ZNF385D: variants seen among roughly 807,000 people sequenced by gnomAD.
ZNF385D encodes zinc finger protein 385D.
Under a neutral mutation model 35.8 loss-of-function variants are expected in ZNF385D, and 15 were observed. The ratio of observed to expected loss-of-function variants is 0.42; its 90% CI spans 0.28 to 0.64. The LOEUF (loss-of-function observed/expected upper bound fraction) is 0.64. Ranked by LOEUF, ZNF385D falls within the 30% of genes least tolerant of loss-of-function variation. The pLI, the probability that ZNF385D is intolerant of heterozygous loss-of-function variation, is 0.23. For synonymous variants in ZNF385D, 212 were observed against 186.8 expected, an observed-to-expected ratio of 1.13 and a Z score of -1.10; for missense variants, 474 against 494.6, an observed-to-expected ratio of 0.96 and a Z score of 0.39.
intron 3 of ZNF385D, among the ~76,000 whole-genome samples, chr3:21,776,813 C>G (rs185142220): frequency 2.0e-5 from 3 of 152,020 alleles, no homozygotes; most frequent in Admixed American, 1.3e-4. Context: ...TACCAGAACT[C>G]CATGAGAAAG....
intron 2 of ZNF385D, among the ~76,000 whole-genome samples, chr3:22,370,832 A>G (rs1696869711): frequency 6.6e-6 from 1 of 152,170 alleles, no homozygotes; most frequent in Admixed American, 6.5e-5. Flanking sequence ...TGTTATTATT[A>G]TTAGGTAACC....
intron 2 of ZNF385D, among the ~76,000 whole-genome samples, chr3:22,335,237 A>G (rs1695111453): frequency 6.6e-6 from 1 of 152,182 alleles, no homozygotes; most frequent in African/African-American, 2.4e-5. Flanking sequence ...AACAATTTAA[A>G]CATCACATTA....
At chr3:21,997,300 A>C (rs1695525899) in intron 3 of ZNF385D, among the ~76,000 whole-genome samples, 1 of 152,156 alleles carries the variant, frequency 6.6e-6, no homozygotes, top group South Asian at 2.1e-4. Context: ...TTGAACAATG[A>C]GAACACTTTG....
At position 22,268,787 on chromosome 3, in the gene ZNF385D, T is replaced by G. The variant is rs75132725; in HGVS notation, c.107-99752A>C. 4.5e-3 allele frequency among the ~76,000 whole-genome samples: 680 copies of G among 152,108 alleles called. 7 individuals carry two copies. The highest frequency in any genetic ancestry group is 0.016 in the African/African-American group (648 of 41,532). On this transcript the variant is annotated intron_variant, in intron 2 of 5. Coordinates refer to the ZNF385D transcript ENST00000494108. ...TTAGGATGTGACATCTTTGGAGACA[T>G]ACCCCCTCAGAACCCATGCATTTTT...
intron 4 of ZNF385D, among the ~76,000 whole-genome samples, chr3:21,445,031 G>A (rs2125258467): frequency 6.6e-6 from 1 of 152,282 alleles, no homozygotes. Context: ...GGCTCCTGAA[G>A]CACAGAGTCT....
intron 3 of ZNF385D, among the ~76,000 whole-genome samples, chr3:22,107,374 A>G (rs1702280607): frequency 6.6e-6 from 1 of 152,038 alleles, no homozygotes; most frequent in Admixed American, 6.6e-5. Context: ...AAATTATGTT[A>G]AATTTTCTAG....
chr3:21,753,042 T>C (rs1011100716), upstream of ZNF385D, among the ~76,000 whole-genome samples: 12 of 152,178 alleles, frequency 7.9e-5, no homozygotes, highest in African/African-American at 2.9e-4. Context: ...GAGTTTCAAA[T>C]AGGAGATTTG....
chr3:22,161,456 A>G (rs2125740668), intron 3 of ZNF385D, among the ~76,000 whole-genome samples: 2 of 152,246 alleles, frequency 1.3e-5, no homozygotes, highest in East Asian at 1.9e-4. Context: ...ATATAAAATC[A>G]AAGGCCTTTT....
chr3:21,706,814 TGATA>T (rs67457933), intron 1 of ZNF385D, among the ~76,000 whole-genome samples: 52,402 of 150,002 alleles, frequency 0.35, 9,339 homozygotes, highest in Middle Eastern at 0.47. Context: ...AGATAATAGA[TGATA>T]GATAGATAGA....
intron 2 of ZNF385D, among the ~76,000 whole-genome samples, chr3:22,277,364 T>G (rs1473519334): frequency 1.3e-5 from 2 of 152,038 alleles, no homozygotes; most frequent in Non-Finnish European, 2.9e-5. Flanking sequence ...AAGGAATGCT[T>G]TTATGGGATA....
chr3:22,209,879 A>G (rs1396221796), intron 2 of ZNF385D, among the ~76,000 whole-genome samples: 3 of 151,888 alleles, frequency 2.0e-5, no homozygotes, highest in African/African-American at 4.8e-5. Context: ...TGACAGCATA[A>G]ATAAGCATAA....
At chr3:21,895,936 A>G (rs1699112735) in intron 3 of ZNF385D, among the ~76,000 whole-genome samples, 1 of 152,168 alleles carries the variant, frequency 6.6e-6, no homozygotes. Flanking sequence ...TCTAATTTGT[A>G]GAACTTTTTA....
At chr3:22,020,425 A>G (rs1309045918) in intron 3 of ZNF385D, among the ~76,000 whole-genome samples, 1 of 151,994 alleles carries the variant, frequency 6.6e-6, no homozygotes, top group Non-Finnish European at 1.5e-5. Flanking sequence ...CAGCAGTTTC[A>G]TCAGTAAGAA....
chr3:21,768,521 A>AT (rs1427117223), intron 3 of ZNF385D, among the ~76,000 whole-genome samples: 1 of 151,898 alleles, frequency 6.6e-6, no homozygotes, highest in African/African-American at 2.4e-5. Flanking sequence ...AGTGGAGGGA[A>AT]TTTTTATCAA....
rs1037430203 is a variant in ZNF385D, at chr3:21,974,945, G to A, written c.325+193872C>T. Among the ~76,000 whole-genome samples, 8 of 152,116 alleles carry A rather than the reference G, an allele frequency of 5.3e-5. No individual in the cohort carries two copies. The East Asian group carries it at 9.6e-4, about 18-fold the overall frequency. On this transcript the variant is annotated intron_variant, in intron 3 of 5. Transcript: ENST00000494108. Reference sequence around the variant, plus strand: ...AATGCTGGCAAGGAAGAGGAAAAACGGGAACCCTCGAACACTGTTAGTGGA... The same window carrying A: ...AATGCTGGCAAGGAAGAGGAAAAACAGGAACCCTCGAACACTGTTAGTGGA...
In ZNF385D at chr3:21,556,603, C is replaced by T. The variant is rs534576455; in HGVS notation, c.276+7971G>A. On this transcript the variant is annotated intron_variant, in intron 3 of 7. Transcript: ENST00000281523. Reference sequence around the variant, plus strand: ...CTATATATCTGTTTTGGTACCAATACCATGCTGTTTTGGTTACTGTATCCT... The same window carrying T: ...CTATATATCTGTTTTGGTACCAATATCATGCTGTTTTGGTTACTGTATCCT... Among the ~76,000 whole-genome samples the T allele has an allele frequency of 8.5e-5, 13 of 152,248 alleles. 1 individual carries two copies. The South Asian group carries it at 2.7e-3, about 32-fold the overall frequency.
At position 21,421,110 on chromosome 3, in the gene ZNF385D, A is replaced by C. The variant is rs2125239985; in HGVS notation, c.*104T>G. ...TCACTATCAAAAGTCCTGGCTCTTCAGATATACTTTAAACTATAAATAAAC... is the reference window on the plus strand; with the variant it reads ...TCACTATCAAAAGTCCTGGCTCTTCCGATATACTTTAAACTATAAATAAAC... On this transcript the variant is annotated 3_prime_UTR_variant, in exon 8 of 8. Coordinates refer to ENST00000281523, the MANE Select transcript of ZNF385D (RefSeq NM_024697.3). 1 of 749,178 alleles carries C rather than the reference A, an allele frequency of 1.3e-6. No individual in the cohort carries two copies. The highest frequency in any genetic ancestry group is 1.9e-5 in the African/African-American group (1 of 52,124). The allele number at this position is 749,178 out of a possible 1,614,324, so 46.4% of individuals were successfully genotyped here.
chr3:21,944,290 C>T (rs1403363961), intron 3 of ZNF385D, among the ~76,000 whole-genome samples: 1 of 152,166 alleles, frequency 6.6e-6, no homozygotes, highest in Non-Finnish European at 1.5e-5. Context: ...TGCAGATTTT[C>T]TCTTGCCTTC....
At chr3:21,502,953 G>T (rs564827113) in intron 4 of ZNF385D, among the ~76,000 whole-genome samples, 1 of 152,316 alleles carries the variant, frequency 6.6e-6, no homozygotes, top group South Asian at 2.1e-4. Context: ...TTCCAGTGAT[G>T]CTTTGTTAGG....
Sources: gnomAD v4.1 joint callset for allele counts (sites outside exome capture counted in the v4.1 genomes callset) on GRCh38, gnomAD v4.1.1 for gene constraint, MANE v1.5 for transcripts, NCBI Gene and HGNC (gene_info 2026-07-23, HGNC 2026-07-21) for gene names.